RBFOX1: variants seen among roughly 807,000 people sequenced by gnomAD.
The protein encoded by RBFOX1 is RNA binding protein fox-1 homolog 1.
A neutral mutation model predicts 57.7 loss-of-function variants in RBFOX1; 8 were observed. The ratio of observed to expected loss-of-function variants is 0.14; its 90% CI spans 0.08 to 0.25. The LOEUF (loss-of-function observed/expected upper bound fraction) is 0.25, where lower values mean the gene tolerates loss of function less well. Among genes scored for constraint, RBFOX1 ranks in the 10% least tolerant of loss-of-function variants. The pLI is 1.00. For synonymous variants in RBFOX1, 326 were observed against 222.4 expected, an observed-to-expected ratio of 1.47 and a Z score of -4.15; for missense variants, 611 against 548.5, an observed-to-expected ratio of 1.11 and a Z score of -1.14.
intron 3 of RBFOX1, among the ~76,000 whole-genome samples, chr16:5,778,547 T>A (rs981386564): frequency 6.6e-6 from 1 of 152,174 alleles, no homozygotes; most frequent in Non-Finnish European, 1.5e-5. Flanking sequence ...TGCCTGCTGG[T>A]TCAACCTGCT....
intron 4 of RBFOX1, among the ~76,000 whole-genome samples, chr16:7,334,050 A>G (rs73563867): frequency 6.4e-4 from 97 of 152,214 alleles, no homozygotes; most frequent in Middle Eastern, 3.4e-3. Context: ...CCAGCCCCTC[A>G]TAGTTAAAAA....
chr16:6,873,408 A>T (rs2061294242), intron 3 of RBFOX1, among the ~76,000 whole-genome samples: 2 of 152,198 alleles, frequency 1.3e-5, no homozygotes, highest in South Asian at 2.1e-4. Context: ...CAATTAAAGA[A>T]GAAGTGCTCA....
chr16:6,576,384 G>A (rs781581798), intron 2 of RBFOX1, among the ~76,000 whole-genome samples: 2 of 152,156 alleles, frequency 1.3e-5, no homozygotes, highest in Non-Finnish European at 2.9e-5. Flanking sequence ...ACGCAGACAT[G>A]GGGAGAAGAT....
intron 4 of RBFOX1, among the ~76,000 whole-genome samples, chr16:5,929,204 C>T (rs75233320): frequency 0.065 from 9,962 of 152,144 alleles, 433 homozygotes; most frequent in South Asian, 0.099. Context: ...GGCCTTCTCA[C>T]CCCTCCCCCA....
chr16:6,853,044 C>G (rs942356017), intron 3 of RBFOX1, among the ~76,000 whole-genome samples: 1 of 152,162 alleles, frequency 6.6e-6, no homozygotes, highest in Admixed American at 6.5e-5. Flanking sequence ...TGGCTTATTG[C>G]CAGGCAACCC....
At chr16:7,265,890 C>G (rs2095110195) in intron 4 of RBFOX1, among the ~76,000 whole-genome samples, 1 of 149,116 alleles carries the variant, frequency 6.7e-6, no homozygotes, top group Non-Finnish European at 1.5e-5. Context: ...CTGTTTAGAT[C>G]ATGGGAATGG....
At chr16:7,690,522 G>A (rs1275608733) in intron 14 of RBFOX1, among the ~76,000 whole-genome samples, 1 of 152,062 alleles carries the variant, frequency 6.6e-6, no homozygotes, top group Non-Finnish European at 1.5e-5. Flanking sequence ...GGAAAATCAG[G>A]TGCATTTTGA....
At chr16:6,977,379 T>A (rs2087315354) in intron 3 of RBFOX1, among the ~76,000 whole-genome samples, 1 of 152,104 alleles carries the variant, frequency 6.6e-6, no homozygotes, top group Non-Finnish European at 1.5e-5. Context: ...GATACCGGGA[T>A]ATCTGGACAC....
intron 3 of RBFOX1, among the ~76,000 whole-genome samples, chr16:6,861,776 G>A (rs1373772274): frequency 2.2e-5 from 3 of 137,678 alleles, no homozygotes; most frequent in Admixed American, 1.5e-4. Context: ...TGGCCAAAGT[G>A]TTTCCACGTT....
At chr16:7,277,917 G>A (rs997787634) in intron 4 of RBFOX1, among the ~76,000 whole-genome samples, 1 of 150,600 alleles carries the variant, frequency 6.6e-6, no homozygotes, top group Non-Finnish European at 1.5e-5. Flanking sequence ...AAGAAAAAGG[G>A]TATGAAAGTC....
chr16:6,399,146 T>G (rs1373108442), intron 2 of RBFOX1, among the ~76,000 whole-genome samples: 1 of 152,166 alleles, frequency 6.6e-6, no homozygotes, highest in Non-Finnish European at 1.5e-5. Flanking sequence ...CTTTTAACCA[T>G]GGCTGGAGCT....
intron 14 of RBFOX1, among the ~76,000 whole-genome samples, chr16:7,679,499 T>A (rs2074208047): frequency 6.6e-6 from 1 of 152,338 alleles, no homozygotes; most frequent in South Asian, 2.1e-4. Flanking sequence ...TGGTTGTCAG[T>A]TGATCAAAAG....
Position 5,466,701 on chromosome 16 carries a change from T to C in RBFOX1, c.220-515T>C, listed in dbSNP as rs148999489. ...GCCTGCCTCCTTGACATCATCTCTT[T>C]GCCTCTCCCATCACTCGGTTTGATG... On this transcript the variant is annotated intron_variant, in intron 1 of 2. Coordinates refer to the RBFOX1 transcript ENST00000585867. Among the ~76,000 whole-genome samples, 286 of 152,346 alleles carry C rather than the reference T, an allele frequency of 1.9e-3. 2 individuals carry two copies. The highest frequency in any genetic ancestry group is 0.018 in the East Asian group (92 of 5,180).
At chr16:5,694,261 A>G (rs907228774) in intron 3 of RBFOX1, among the ~76,000 whole-genome samples, 10 of 152,102 alleles carry the variant, frequency 6.6e-5, no homozygotes, top group African/African-American at 2.4e-4. Flanking sequence ...AATTTCCAAG[A>G]CTGTGATCCT....
At chr16:6,435,348 T>A (rs141779942) in intron 2 of RBFOX1, among the ~76,000 whole-genome samples, 3 of 152,338 alleles carry the variant, frequency 2.0e-5, no homozygotes, top group African/African-American at 7.2e-5. Context: ...TCGCCCAGGC[T>A]GGAGGGCAGT....
intron 2 of RBFOX1, among the ~76,000 whole-genome samples, chr16:6,425,242 A>G (rs1313904451): frequency 6.6e-6 from 1 of 152,114 alleles, no homozygotes; most frequent in East Asian, 1.9e-4. Flanking sequence ...CAGGAAGGAG[A>G]GTATGGTCAA....
intron 2 of RBFOX1, among the ~76,000 whole-genome samples, chr16:6,507,603 G>A (rs1429449559): frequency 6.6e-6 from 1 of 151,922 alleles, no homozygotes; most frequent in Non-Finnish European, 1.5e-5. Context: ...CCCAGGAGGT[G>A]GAGGCTGCAG....
chr16:6,126,773 C>T (rs1038082684), intron 1 of RBFOX1, among the ~76,000 whole-genome samples: 9 of 152,194 alleles, frequency 5.9e-5, no homozygotes, highest in African/African-American at 2.2e-4. Context: ...GTATGTATCT[C>T]AAGGGTCTAC....
chr16:7,235,612 A>G (rs909707916), intron 4 of RBFOX1, among the ~76,000 whole-genome samples: 1 of 152,222 alleles, frequency 6.6e-6, no homozygotes, highest in African/African-American at 2.4e-5. Flanking sequence ...ATGGGCAGCC[A>G]TATCTTGGGA....
Sources: gnomAD v4.1 joint callset for allele counts (sites outside exome capture counted in the v4.1 genomes callset) on GRCh38, gnomAD v4.1.1 for gene constraint, MANE v1.5 for transcripts, NCBI Gene and HGNC (gene_info 2026-07-23, HGNC 2026-07-21) for gene names.